Variants in LMF1 observed in about 807,000 individuals in gnomAD.
LMF1 encodes the protein transmembrane protein 112.
LMF1 carries 68 observed loss-of-function variants against 60.6 expected under a neutral mutation model. The ratio of observed to expected loss-of-function variants is 1.12; its 90% CI spans 0.92 to 1.37. LMF1 has a LOEUF of 1.37. Among genes scored for constraint, LMF1 ranks in the 40% most tolerant of loss-of-function variants. The pLI, the probability that LMF1 is intolerant of heterozygous loss-of-function variation, is 0.00. For missense variants in LMF1, 948 were observed against 767.2 expected, an observed-to-expected ratio of 1.24 and a Z score of -2.78; for synonymous variants, 418 against 324.7, an observed-to-expected ratio of 1.29 and a Z score of -3.09.
Position 970,860 on chromosome 16 carries a change from G to A in LMF1, c.121C>T (p.Pro41Ser). 1.3e-6 allele frequency: 2 copies of A among 1,561,878 alleles called. No homozygotes were observed. Among genetic ancestry groups the A allele is most frequent in the South Asian group, 1.2e-5 (1 of 84,122 alleles). Residue 41 changes from proline to serine, a missense_variant, in exon 1 of 11, where the codon CCG (proline) becomes TCG (serine). By Grantham distance (74) the Pro-to-Ser change is moderately conservative. Coordinates refer to ENST00000262301, the MANE Select transcript of LMF1 (RefSeq NM_022773.4). The part of the protein sequence containing the change: ...PAPGRGPAGS[P>S]AHLHTGTFWL... ...AAGGTGCCCGTGTGGAGATGGGCCG[G>A]AGAGCCTGCGGGGCCACGCCCCGGC... is the stretch of plus-strand genomic sequence containing the variant.
At chr16:974,637 GCCTGCGCCAGCACAGCCCCCAGGA>G (rs2073101981), upstream of LMF1, among the ~76,000 whole-genome samples, 1 of 152,214 alleles carries the variant, frequency 6.6e-6, no homozygotes, top group Non-Finnish European at 1.5e-5. Context: ...CGCCGTCCCG[GCCTGCGCCAGCACAGCCCCCAGGA>G]CCCAGGCACA....
intron 10 of LMF1, among the ~76,000 whole-genome samples, chr16:866,763 C>G (rs574942713): frequency 8.5e-5 from 13 of 152,162 alleles, no homozygotes; most frequent in Non-Finnish European, 1.8e-4. Context: ...TTTTCTGGCC[C>G]TTTAGTCAGA....
intron 3 of LMF1, among the ~76,000 whole-genome samples, chr16:920,111 A>G (rs1268144249): frequency 1.3e-5 from 2 of 151,414 alleles, no homozygotes; most frequent in Non-Finnish European, 2.9e-5. Context: ...GGACATCCAC[A>G]CCAGCCCTGG....
intron 3 of LMF1, among the ~76,000 whole-genome samples, chr16:911,475 T>C (rs565228389): frequency 8.6e-5 from 13 of 151,456 alleles, no homozygotes. Flanking sequence ...TGAAAACAGC[T>C]TTCACCTTCT....
At chr16:863,281 C>T (rs1010935323) in intron 10 of LMF1, among the ~76,000 whole-genome samples, 1 of 152,142 alleles carries the variant, frequency 6.6e-6, no homozygotes. Flanking sequence ...GCTGGGACTA[C>T]AGGCACCTGC....
At position 870,212 on chromosome 16, in the gene LMF1, G is replaced by A. The variant is rs116121024; in HGVS notation, c.1233-146C>T. Reference sequence around the variant, plus strand: ...ACCTGCCTCCTGGTCAGGGGCTACTGAGAGGCTGGGTGGGGCTGAGGAGAA... The same window carrying A: ...ACCTGCCTCCTGGTCAGGGGCTACTAAGAGGCTGGGTGGGGCTGAGGAGAA... On this transcript the variant is annotated intron_variant, in intron 8 of 10. Coordinates refer to ENST00000262301, the MANE Select transcript of LMF1 (RefSeq NM_022773.4). 1,664 of 920,226 alleles carry A rather than the reference G, an allele frequency of 1.8e-3. 13 individuals are homozygous for A. In the African/African-American group the frequency reaches 0.025, roughly 14 times the overall value. The allele number at this position is 920,226 out of a possible 1,614,324, so 57.0% of individuals were successfully genotyped here.
Position 911,098 on chromosome 16 carries a change from C to T in LMF1, c.515-19G>A. ...TCCCATCCTAAAACAACGAGACATA[C>T]CAAAGGTGAGTTAATGGAAGCCACA... On this transcript the variant is annotated intron_variant, in intron 3 of 10. Transcript: ENST00000262301. The T allele has an allele frequency of 6.2e-7, 1 of 1,606,450 alleles. No homozygotes were observed. Among genetic ancestry groups the T allele is most frequent in the Non-Finnish European group, 8.5e-7 (1 of 1,176,882 alleles).
intron 2 of LMF1, among the ~76,000 whole-genome samples, chr16:945,245 G>C (rs2072209968): frequency 7.1e-6 from 1 of 141,838 alleles, no homozygotes; most frequent in African/African-American, 2.8e-5. Flanking sequence ...TATTTGGCTG[G>C]GCACGGTGGC....
intron 2 of LMF1, among the ~76,000 whole-genome samples, chr16:939,945 T>G (rs1306538019): frequency 6.6e-6 from 1 of 152,044 alleles, no homozygotes; most frequent in East Asian, 1.9e-4. Flanking sequence ...GGGGTCTCTG[T>G]GGAGGTAATT....
At chr16:954,720 C>T in intron 1 of LMF1, 54 bp from the exon 2 acceptor site, 1 of 1,505,560 alleles carries the variant, frequency 6.6e-7, no homozygotes, top group African/African-American at 1.4e-5. Flanking sequence ...CACATGTGGA[C>T]ACCATGGGCG....
rs769295163 is a variant in LMF1, at chr16:854,403, G to T, written c.*129C>A. ...ACCCCACCCTGGACCCCCGTGCTGG[G>T]GGCTGGGTCCCACCGCTCTCCTCTC... On this transcript the variant is annotated 3_prime_UTR_variant, in exon 11 of 11. Coordinates refer to ENST00000262301, the MANE Select transcript of LMF1 (RefSeq NM_022773.4). 6.3e-5 allele frequency: 61 copies of T among 964,052 alleles called. No individual in the cohort carries two copies. The highest frequency in any genetic ancestry group is 8.8e-5 in the Non-Finnish European group (56 of 633,956). 59.7% of individuals were successfully genotyped at this position (964,052 alleles called of 1,614,324 possible).
intron 3 of LMF1, 62 bp downstream of exon 3, chr16:934,182 A>T (rs1567269826): frequency 6.3e-7 from 1 of 1,599,050 alleles, no homozygotes; most frequent in Non-Finnish European, 8.5e-7. Flanking sequence ...GTGCGTGAAG[A>T]TACATACCAA....
At chr16:956,513 A>C (rs1373518081) in intron 1 of LMF1, among the ~76,000 whole-genome samples, 1 of 152,174 alleles carries the variant, frequency 6.6e-6, no homozygotes. Context: ...AAATACAAAC[A>C]AAAGAAAGTG....
chr16:979,477 G>A, intron 1 of LMF1: 1 of 367,046 alleles, frequency 2.7e-6, no homozygotes, highest in East Asian at 7.3e-5. Context: ...GGGGAAAGGA[G>A]CAGGCGCTGT....
chr16:920,218 C>T (rs2071397098), intron 3 of LMF1, among the ~76,000 whole-genome samples: 2 of 152,210 alleles, frequency 1.3e-5, no homozygotes. Flanking sequence ...TGGCTCGGCC[C>T]CCGACACGAC....
intron 2 of LMF1, among the ~76,000 whole-genome samples, chr16:939,858 T>A (rs8055748): frequency 6.6e-5 from 10 of 151,970 alleles, no homozygotes; most frequent in African/African-American, 2.2e-4. Flanking sequence ...AGAGAAGCCC[T>A]GGGCAGTGGG....
chr16:935,296 T>C (rs2071908046), intron 2 of LMF1, among the ~76,000 whole-genome samples: 1 of 152,120 alleles, frequency 6.6e-6, no homozygotes, highest in Admixed American at 6.5e-5. Context: ...GGTTTTGCCA[T>C]GTTGCCCTGG....
At chr16:891,497 A>T (rs1444102368) in intron 5 of LMF1, among the ~76,000 whole-genome samples, 1 of 152,234 alleles carries the variant, frequency 6.6e-6, no homozygotes, top group Non-Finnish European at 1.5e-5. Context: ...ACCTGAGCCC[A>T]CTGCACCACT....
intron 5 of LMF1, chr16:883,813 A>G (rs1410190092): frequency 2.6e-5 from 4 of 152,272 alleles, no homozygotes; most frequent in Admixed American, 6.5e-5. Flanking sequence ...GCATGACAAT[A>G]TGACACTATT....
Sources: gnomAD v4.1 joint callset for allele counts (sites outside exome capture counted in the v4.1 genomes callset) on GRCh38, gnomAD v4.1.1 for gene constraint, MANE v1.5 for transcripts, NCBI Gene and HGNC (gene_info 2026-07-23, HGNC 2026-07-21) for gene names.